The following RAP1GAP2 variants were observed in gnomAD, a reference collection of about 807,000 sequenced individuals.
The protein encoded by RAP1GAP2 is RAP1 GTPase activating protein 2, also known as rap1 GTPase-activating protein 2.
Under a neutral mutation model 95.0 loss-of-function variants are expected in RAP1GAP2, and 27 were observed. The ratio of observed to expected loss-of-function variants is 0.28; its 90% CI spans 0.21 to 0.39. RAP1GAP2 has a LOEUF of 0.39. Ranked by LOEUF, RAP1GAP2 falls within the 10% of genes least tolerant of loss-of-function variation. The pLI, the probability that RAP1GAP2 is intolerant of heterozygous loss-of-function variation, is 1.00. For synonymous variants in RAP1GAP2, 373 were observed against 380.9 expected (o/e 0.98, Z 0.24); for missense variants, 771 against 970.0 (o/e 0.79, Z 2.72).
chr17:3,032,807 C>T (rs915506188), intron 24 of RAP1GAP2, among the ~76,000 whole-genome samples: 1 of 152,188 alleles, frequency 6.6e-6, no homozygotes, highest in African/African-American at 2.4e-5. Flanking sequence ...GGCAGCTGTT[C>T]CCTCCTTGTG....
In RAP1GAP2 at chr17:2,932,824, G is replaced by GA. The variant is rs937204237; in HGVS notation, c.166-24916dup. On this transcript the variant is annotated intron_variant, in intron 3 of 24. Transcript: ENST00000254695. The stretch of plus-strand genomic sequence containing the variant: ...AGAGCAAGACTCCATCTCAAAAAAA[G>GA]AAAAAAAAAAAAAAAAAAAGAGCAG... Among the ~76,000 whole-genome samples, 36 of 114,910 alleles carry GA rather than the reference G, an allele frequency of 3.1e-4. 2 individuals are homozygous for GA. In the South Asian group the frequency reaches 3.3e-3, roughly 11 times the overall value. The allele number at this position is 114,910 out of a possible 152,430, so 75.4% of individuals were successfully genotyped here.
At chr17:2,788,293 G>GT (rs1302114678) in intron 1 of RAP1GAP2, among the ~76,000 whole-genome samples, 1 of 151,838 alleles carries the variant, frequency 6.6e-6, no homozygotes, top group Non-Finnish European at 1.5e-5. Flanking sequence ...ATTTTGTGGG[G>GT]TTTTTTTGTT....
At chr17:2,925,307 C>A (rs752815543) in intron 3 of RAP1GAP2, among the ~76,000 whole-genome samples, 4 of 152,080 alleles carry the variant, frequency 2.6e-5, no homozygotes, top group African/African-American at 9.7e-5. Flanking sequence ...GAAGAAATAC[C>A]GGAGACTGGG....
At chr17:2,833,918 T>C (rs2071019090) in intron 2 of RAP1GAP2, among the ~76,000 whole-genome samples, 1 of 152,118 alleles carries the variant, frequency 6.6e-6, no homozygotes, top group African/African-American at 2.4e-5. Flanking sequence ...TCCTGTCTCC[T>C]TGCTGTGGTT....
At chr17:2,844,263 G>C (rs1422698121) in intron 2 of RAP1GAP2, among the ~76,000 whole-genome samples, 1 of 152,072 alleles carries the variant, frequency 6.6e-6, no homozygotes, top group Non-Finnish European at 1.5e-5. Flanking sequence ...CTCGTGATCT[G>C]CCCGCCTCGG....
chr17:2,901,595 C>T (rs2042028316), intron 2 of RAP1GAP2, among the ~76,000 whole-genome samples: 1 of 152,226 alleles, frequency 6.6e-6, no homozygotes. Context: ...TAAGGATTTA[C>T]CTTTTGCTTC....
chr17:2,891,604 T>G (rs2073718963), intron 2 of RAP1GAP2, among the ~76,000 whole-genome samples: 2 of 151,656 alleles, frequency 1.3e-5, no homozygotes, highest in Admixed American at 1.3e-4. Context: ...CTAGTGATAG[T>G]ATCCTCCCAA....
chr17:2,797,867 G>A lies in RAP1GAP2; in HGVS notation c.44+1296G>A, dbSNP rs2069139988. The stretch of plus-strand genomic sequence containing the variant: ...GTGTCTTGGCTGTGGGCCTTGCAGG[G>A]CAGGGCCCAGCAATTAGATTGTGCC... On this transcript the variant is annotated intron_variant, in intron 1 of 24. Coordinates refer to ENST00000254695, the MANE Select transcript of RAP1GAP2 (RefSeq NM_015085.5). This position sits in a 1 kb window ranked among gnomAD's most constrained non-coding sequence, Gnocchi z 5.6. 2.4e-6 allele frequency: 2 copies of A among 823,948 alleles called. No individual in the cohort carries two copies. The highest frequency in any genetic ancestry group is 1.1e-4 in the South Asian group (2 of 17,898). The allele number at this position is 823,948 out of a possible 1,614,324, so 51.0% of individuals were successfully genotyped here. A position where few individuals can be genotyped will look rare whatever the true frequency, so the allele number is the denominator to read the frequency against.
chr17:2,960,123 C>CAAAAAAAAAAAAA (rs71153316), intron 4 of RAP1GAP2, among the ~76,000 whole-genome samples: 3 of 80,986 alleles, frequency 3.7e-5, no homozygotes, highest in African/African-American at 1.0e-4. Flanking sequence ...GACTCCATCT[C>CAAAAAAAAAAAAA]AAAAAAAAAA....
chr17:2,797,851 C>A lies in RAP1GAP2; in HGVS notation c.44+1280C>A. 1.1e-6 allele frequency: 1 copy of A among 925,626 alleles called. No homozygotes were observed. The highest frequency in any genetic ancestry group is 1.3e-6 in the Non-Finnish European group (1 of 775,524). The allele number at this position is 925,626 out of a possible 1,614,324, so 57.3% of individuals were successfully genotyped here. On this transcript the variant is annotated intron_variant, in intron 1 of 24. Coordinates refer to ENST00000254695, the MANE Select transcript of RAP1GAP2 (RefSeq NM_015085.5). This position sits in a 1 kb window ranked among gnomAD's most constrained non-coding sequence, Gnocchi z 5.6. ...GTTGGGAGGGGTGTGTGTGTCTTGG[C>A]TGTGGGCCTTGCAGGGCAGGGCCCA...
chr17:2,998,167 C>T (rs989506579), intron 13 of RAP1GAP2, 54 bp from the exon 14 acceptor site: 85 of 1,568,346 alleles, frequency 5.4e-5, no homozygotes, highest in Admixed American at 8.5e-5. Flanking sequence ...TTCCCCAAAA[C>T]ATCTTTCATG....
Position 3,003,442 on chromosome 17 carries a change from G to T in RAP1GAP2, c.1201-1927G>T, listed in dbSNP as rs888372316. 2.0e-5 allele frequency among the ~76,000 whole-genome samples: 3 copies of T among 152,124 alleles called. No individual in the cohort carries two copies. Among genetic ancestry groups the T allele is most frequent in the African/African-American group, 7.2e-5 (3 of 41,424 alleles). On this transcript the variant is annotated intron_variant, in intron 14 of 24. Transcript: ENST00000254695. The surrounding 1 kb of genome is among the most constrained non-coding windows in gnomAD (Gnocchi z 4.1). Reference sequence around the variant, plus strand: ...GGAATCTCAGGTGAAGCCCACCGCCGGGGAGGGCCCTGTCTTTGTAGCCCC... The same window carrying T: ...GGAATCTCAGGTGAAGCCCACCGCCTGGGAGGGCCCTGTCTTTGTAGCCCC...
chr17:2,859,313 G>C (rs557020261), intron 2 of RAP1GAP2, among the ~76,000 whole-genome samples: 2 of 152,148 alleles, frequency 1.3e-5, no homozygotes, highest in Non-Finnish European at 2.9e-5. Flanking sequence ...GTTTTACCAT[G>C]TTGGCCAGGC....
chr17:2,848,854 C>G (rs1437726675), intron 2 of RAP1GAP2, among the ~76,000 whole-genome samples: 1 of 152,162 alleles, frequency 6.6e-6, no homozygotes, highest in Non-Finnish European at 1.5e-5. Context: ...TTCCCGACCT[C>G]AGATGACTTC....
intron 2 of RAP1GAP2, among the ~76,000 whole-genome samples, chr17:2,822,359 C>T (rs538657265): frequency 3.3e-5 from 5 of 152,348 alleles, no homozygotes; most frequent in South Asian, 4.1e-4. Context: ...CCGTGGTTCA[C>T]GCCTGTAATC....
At position 2,995,531 on chromosome 17, in the gene RAP1GAP2, G is replaced by T; in HGVS notation, c.1044+65G>T. 3 of 1,596,396 alleles carry T rather than the reference G, an allele frequency of 1.9e-6. No individual in the cohort carries two copies. In the South Asian group the frequency reaches 3.3e-5, roughly 18 times the overall value. The stretch of plus-strand genomic sequence containing the variant: ...CGAGGTGAGGGCCTGCCTCTGGTCT[G>T]ACCTGCTAAGAGGCTGTGGCCGTCC... On this transcript the variant is annotated intron_variant, in intron 13 of 24. Transcript: ENST00000254695.
At chr17:2,971,927 G>A (rs1404425979) in intron 8 of RAP1GAP2, among the ~76,000 whole-genome samples, 5 of 152,152 alleles carry the variant, frequency 3.3e-5, no homozygotes, top group Admixed American at 2.6e-4. Flanking sequence ...CTAGCTAGTC[G>A]AATATAGATG....
chr17:3,019,046 C>A (rs914770709), intron 18 of RAP1GAP2, among the ~76,000 whole-genome samples: 3 of 150,192 alleles, frequency 2.0e-5, no homozygotes, highest in African/African-American at 7.4e-5. Flanking sequence ...TGGGTGACAG[C>A]GAGACTGTCT....
At chr17:3,031,573 C>T (rs372691514) in intron 23 of RAP1GAP2, among the ~76,000 whole-genome samples, 2 of 142,164 alleles carry the variant, frequency 1.4e-5, no homozygotes, top group Middle Eastern at 4.1e-3. Flanking sequence ...GGGCTGGTTC[C>T]TGGGTCCCGA....
Sources: gnomAD v4.1 joint callset for allele counts (sites outside exome capture counted in the v4.1 genomes callset) on GRCh38, gnomAD v4.1.1 for gene constraint, Gnocchi (gnomAD v3.1) non-coding constraint, MANE v1.5 for transcripts, NCBI Gene and HGNC (gene_info 2026-07-23, HGNC 2026-07-21) for gene names.